The following ABTB2 variants were observed in gnomAD, a reference collection of about 807,000 sequenced individuals.
The protein encoded by ABTB2 is ankyrin repeat and BTB domain containing 2.
In ABTB2, 56 loss-of-function variants were observed where a neutral mutation model predicts 104.1. The ratio of observed to expected loss-of-function variants is 0.54; its 90% CI spans 0.43 to 0.67. ABTB2 has a LOEUF of 0.67. ABTB2 is among the 30% of genes least tolerant of loss of function. The probability of loss-of-function intolerance (pLI) is 0.00; values close to 1 mark genes in which losing one functional copy is unlikely to be tolerated. For synonymous variants in ABTB2, 606 were observed against 608.2 expected (o/e 1.00, Z 0.05); for missense variants, 1,279 against 1,407.7 (o/e 0.91, Z 1.46).
chr11:34,180,271 T>C (rs574886277), intron 3 of ABTB2, among the ~76,000 whole-genome samples: 81 of 152,322 alleles, frequency 5.3e-4, no homozygotes, highest in African/African-American at 1.7e-3. Context: ...AGCTGGAAAC[T>C]GTTTCTGGCA....
intron 1 of ABTB2, among the ~76,000 whole-genome samples, chr11:34,222,253 C>G (rs1370023015): frequency 6.6e-6 from 1 of 152,114 alleles, no homozygotes; most frequent in Non-Finnish European, 1.5e-5. Context: ...GCAGATGAAG[C>G]CTCCAGGTAG....
Position 34,356,855 on chromosome 11 carries a change from C to T in ABTB2, c.729G>A (p.Arg243=), listed in dbSNP as rs1855471798. 1.2e-6 allele frequency: 2 copies of T among 1,605,438 alleles called. No homozygotes were observed. Among genetic ancestry groups the T allele is most frequent in the Admixed American group, 1.7e-5 (1 of 58,820 alleles). The part of the protein sequence containing the change: ...ACMENLVEEI[R]ARVMASHSPD... ...GGCTGTGGCTGGCCATCACCCTGGC[C>T]CGGATCTCCTCCACCAGGTTCTCCA... The change falls in exon 1 of 17, where the codon CGG becomes CGA. Residue 243 remains arginine, a synonymous_variant. Coordinates refer to ENST00000435224, the MANE Select transcript of ABTB2 (RefSeq NM_145804.3). This position sits in a 1 kb window ranked among gnomAD's most constrained non-coding sequence, Gnocchi z 4.6.
At chr11:34,208,437 T>C (rs1398431861) in intron 1 of ABTB2, among the ~76,000 whole-genome samples, 1 of 152,154 alleles carries the variant, frequency 6.6e-6, no homozygotes, top group Admixed American at 6.6e-5. Flanking sequence ...TGCACCACCC[T>C]GTACCCATGA....
intron 1 of ABTB2, among the ~76,000 whole-genome samples, chr11:34,283,161 G>A (rs1295823171): frequency 1.4e-5 from 2 of 147,900 alleles, no homozygotes; most frequent in Admixed American, 1.4e-4. Flanking sequence ...CTCGTGATCC[G>A]CCTGCCTCGG....
chr11:34,239,652 C>A (rs1307005877), intron 1 of ABTB2, among the ~76,000 whole-genome samples: 5 of 152,182 alleles, frequency 3.3e-5, no homozygotes, highest in Admixed American at 1.3e-4. Context: ...TTTCTACCCC[C>A]ACCCGGGGCT....
chr11:34,300,354 A>T (rs1296553300), intron 1 of ABTB2, among the ~76,000 whole-genome samples: 1 of 152,216 alleles, frequency 6.6e-6, no homozygotes, highest in East Asian at 1.9e-4. Flanking sequence ...ATTCAATTAC[A>T]AAACCCTACC....
At chr11:34,212,643 A>G (rs7933336) in intron 1 of ABTB2, among the ~76,000 whole-genome samples, 1,646 of 152,276 alleles carry the variant, frequency 0.011, 27 homozygotes, top group African/African-American at 0.037. Flanking sequence ...GGAGAACACG[A>G]GGCTCTCCCC....
intron 13 of ABTB2, 87 bp downstream of exon 13, chr11:34,159,819 C>G (rs1565127187): frequency 2.8e-6 from 3 of 1,067,398 alleles, no homozygotes; most frequent in Admixed American, 1.9e-5. Flanking sequence ...GGGTACAGCC[C>G]CAGCGAGTCA....
rs114646053 is a variant in ABTB2 at position 34,299,530 on chromosome 11, G to A, written c.883+57171C>T. On this transcript the variant is annotated intron_variant, in intron 1 of 16. Transcript: ENST00000435224. ...GCAAAGCCCAAGGAGGCTGCAGGCT[G>A]CTGGAGGTGGCAGCTCGGCCCATCC... Among the ~76,000 whole-genome samples, 1,199 of 152,342 alleles carry A rather than the reference G, an allele frequency of 7.9e-3. 12 individuals carry two copies. Among genetic ancestry groups the A allele is most frequent in the African/African-American group, 0.026 (1,095 of 41,574 alleles).
chr11:34,296,435 G>T (rs1040146539), intron 1 of ABTB2, among the ~76,000 whole-genome samples: 1 of 152,164 alleles, frequency 6.6e-6, no homozygotes, highest in Non-Finnish European at 1.5e-5. Context: ...AGAAAAGGAA[G>T]TTTAATAAGA....
intron 4 of ABTB2, 126 bp from the exon 5 acceptor site, chr11:34,171,197 T>TA (rs2133015293): frequency 1.0e-6 from 1 of 999,330 alleles, no homozygotes; most frequent in African/African-American, 1.6e-5. Flanking sequence ...ACCAGGGAGT[T>TA]ATGATCAGAT....
intron 1 of ABTB2, among the ~76,000 whole-genome samples, chr11:34,277,734 C>T (rs570249921): frequency 2.8e-4 from 42 of 151,150 alleles, no homozygotes; most frequent in African/African-American, 8.5e-4. Flanking sequence ...GAGCACTGCA[C>T]TCCAGCCTGG....
intron 3 of ABTB2, among the ~76,000 whole-genome samples, chr11:34,194,433 G>C (rs183534399): frequency 6.6e-6 from 1 of 152,172 alleles, no homozygotes; most frequent in African/African-American, 2.4e-5. Flanking sequence ...GACAGACGTC[G>C]CACATCCCCA....
intron 1 of ABTB2, among the ~76,000 whole-genome samples, chr11:34,350,653 G>A (rs958267448): frequency 5.3e-5 from 8 of 152,308 alleles, no homozygotes; most frequent in Admixed American, 2.0e-4. Context: ...CACTGTGGTC[G>A]TGAACACTCA....
intron 1 of ABTB2, among the ~76,000 whole-genome samples, chr11:34,225,769 T>C (rs1853678422): frequency 6.6e-6 from 1 of 150,842 alleles, no homozygotes; most frequent in South Asian, 2.1e-4. Context: ...AATAAATAAA[T>C]AAATAAAATA....
chr11:34,294,323 G>A (rs759228696), intron 1 of ABTB2, among the ~76,000 whole-genome samples: 19 of 152,026 alleles, frequency 1.2e-4, no homozygotes, highest in Non-Finnish European at 2.2e-4. Context: ...AGAGCGAGAC[G>A]CTGTCAAAAA....
intron 1 of ABTB2, among the ~76,000 whole-genome samples, chr11:34,307,776 G>C (rs549814965): frequency 6.6e-6 from 1 of 151,162 alleles, no homozygotes; most frequent in South Asian, 2.1e-4. Flanking sequence ...TCGGCTCACC[G>C]CAACCTCCGT....
intron 1 of ABTB2, among the ~76,000 whole-genome samples, chr11:34,272,302 C>CAAAAAAAAAAAAAA (rs60997940): frequency 6.2e-5 from 5 of 80,770 alleles, no homozygotes; most frequent in African/African-American, 1.9e-4. Context: ...CAGGAAGCTG[C>CAAAAAAAAAAAAAA]AAAAAAAAAA....
chr11:34,331,940 T>A (rs1006075979), intron 1 of ABTB2, among the ~76,000 whole-genome samples: 1 of 152,194 alleles, frequency 6.6e-6, no homozygotes, highest in Non-Finnish European at 1.5e-5. Flanking sequence ...AAGGATATGG[T>A]GACATGAGTC....
Sources: allele counts gnomAD v4.1 joint callset (sites outside exome capture counted in the v4.1 genomes callset), GRCh38; gene constraint gnomAD v4.1.1; non-coding constraint Gnocchi (gnomAD v3.1); transcripts MANE v1.5; gene names NCBI Gene and HGNC (gene_info 2026-07-23, HGNC 2026-07-21).